Variants in STS observed in about 807,000 individuals in gnomAD.
STS encodes steryl-sulfatase.
Under a neutral mutation model 26.8 loss-of-function variants are expected in STS, and 7 were observed. The ratio of observed to expected loss-of-function variants is 0.26; its 90% CI spans 0.15 to 0.49. STS has a LOEUF of 0.49. STS is among the 20% of genes least tolerant of loss of function. The pLI, the probability that STS is intolerant of heterozygous loss-of-function variation, is 0.98. For missense variants in STS, 434 were observed against 465.6 expected (o/e 0.93, Z 0.63); for synonymous variants, 199 against 189.4 (o/e 1.05, Z -0.42).
chrX:7,157,029 C>T (rs1352730002), intron 1 of STS, among the ~76,000 whole-genome samples: 2 of 111,803 alleles, frequency 1.8e-5, no homozygotes, highest in African/African-American at 6.5e-5. Context: ...TTTGAGCCCA[C>T]TGAATGTATA....
intron 2 of STS, among the ~76,000 whole-genome samples, chrX:7,244,339 C>T (rs1356199448): frequency 8.9e-6 from 1 of 111,924 alleles, no homozygotes; most frequent in Non-Finnish European, 1.9e-5. Context: ...TTAAGAGCTT[C>T]CATAATTTGC....
At chrX:7,326,225 C>T (rs1479788602) in intron 9 of STS, among the ~76,000 whole-genome samples, 2 of 111,085 alleles carry the variant, frequency 1.8e-5, no homozygotes, top group African/African-American at 3.3e-5. Context: ...TATCTCTGTC[C>T]GGTCTGGGGC....
Position 7,147,864 on chromosome X carries a change from G to A in STS, c.-353G>A. On this transcript the variant is annotated 5_prime_UTR_variant, in exon 1 of 11. It removes an upstream start codon present in the reference 5' UTR. Transcript: ENST00000674429. The stretch of plus-strand genomic sequence containing the variant: ...CACGCGCGCCCGCCAGCCCGGACAT[G>A]GGCCCGCGGGCGCTCCTGGCCGCCG... The A allele has an allele frequency of 5.0e-6, 1 of 198,512 alleles. No homozygotes were observed. Among genetic ancestry groups the A allele is most frequent in the Middle Eastern group, 1.7e-3 (1 of 583 alleles). 16.4% of individuals were successfully genotyped at this position (198,512 alleles called of 1,213,427 possible).
intron 7 of STS, among the ~76,000 whole-genome samples, chrX:7,289,082 C>T (rs1925285589): frequency 9.0e-6 from 1 of 111,726 alleles, no homozygotes; most frequent in Non-Finnish European, 1.9e-5. Flanking sequence ...CATCCACCAG[C>T]CAAATGAGTT....
chrX:7,211,626 G>C (rs1192323912), intron 2 of STS, among the ~76,000 whole-genome samples: 2 of 111,929 alleles, frequency 1.8e-5, no homozygotes, highest in African/African-American at 3.2e-5. Flanking sequence ...TGCTCTGCAG[G>C]GAAACCACTC....
At chrX:7,323,513 A>G (rs1008651608) in intron 8 of STS, among the ~76,000 whole-genome samples, 2 of 111,509 alleles carry the variant, frequency 1.8e-5, no homozygotes, top group Non-Finnish European at 3.8e-5. Context: ...ACTTAGGATA[A>G]TGGCCTCTAG....
chrX:7,255,571 C>T (rs1408569278), intron 3 of STS, among the ~76,000 whole-genome samples: 1 of 111,709 alleles, frequency 9.0e-6, no homozygotes, highest in Admixed American at 9.5e-5. Flanking sequence ...GAATTCATGG[C>T]AATATATACC....
chrX:7,323,233 T>C (rs1927139218), intron 8 of STS, among the ~76,000 whole-genome samples: 1 of 111,160 alleles, frequency 9.0e-6, no homozygotes, highest in Non-Finnish European at 1.9e-5. Flanking sequence ...ATGTTTTTTT[T>C]TTTTAATTTT....
chrX:7,210,446 T>G (rs956905346), intron 2 of STS, among the ~76,000 whole-genome samples: 7 of 107,851 alleles, frequency 6.5e-5, no homozygotes, highest in African/African-American at 2.3e-4. Context: ...ATTTATATAT[T>G]TATACAATTA....
At chrX:7,207,806 A>G (rs924858088) in intron 2 of STS, among the ~76,000 whole-genome samples, 3 of 112,524 alleles carry the variant, frequency 2.7e-5, no homozygotes, top group Non-Finnish European at 1.9e-5. Context: ...GAATTATACT[A>G]TAACTTGACA....
At chrX:7,292,912 T>C (rs1460344441) in intron 7 of STS, among the ~76,000 whole-genome samples, 1 of 111,390 alleles carries the variant, frequency 9.0e-6, no homozygotes, top group Admixed American at 9.6e-5. Flanking sequence ...CAGTGCATGC[T>C]TCCTGACTTC....
At chrX:7,188,154 C>A (rs971224607) in intron 1 of STS, among the ~76,000 whole-genome samples, 2 of 111,678 alleles carry the variant, frequency 1.8e-5, no homozygotes, top group Admixed American at 9.5e-5. Flanking sequence ...TTACTAGGTG[C>A]GATTGTTTGA....
intron 9 of STS, among the ~76,000 whole-genome samples, chrX:7,328,159 G>C: frequency 8.9e-6 from 1 of 111,824 alleles, no homozygotes; most frequent in Non-Finnish European, 1.9e-5. Flanking sequence ...TCCTCAAGTA[G>C]CTAGAACAGA....
intron 7 of STS, among the ~76,000 whole-genome samples, chrX:7,281,559 G>A (rs1924861926): frequency 8.9e-6 from 1 of 112,043 alleles, no homozygotes; most frequent in Non-Finnish European, 1.9e-5. Context: ...CATTTAGTCA[G>A]TCATGTGCAA....
chrX:7,320,401 T>C (rs184621656), intron 8 of STS, among the ~76,000 whole-genome samples: 1 of 110,278 alleles, frequency 9.1e-6, no homozygotes, highest in African/African-American at 3.3e-5. Context: ...TCTAGAAGAT[T>C]AACTTTTAGA....
At chrX:7,233,019 G>A (rs1922136874) in intron 2 of STS, among the ~76,000 whole-genome samples, 1 of 110,522 alleles carries the variant, frequency 9.0e-6, no homozygotes, top group Non-Finnish European at 1.9e-5. Flanking sequence ...GACCTCCCCA[G>A]CCATGTGGAA....
intron 2 of STS, among the ~76,000 whole-genome samples, chrX:7,235,494 C>T (rs989380760): frequency 2.7e-5 from 3 of 111,662 alleles, no homozygotes; most frequent in Non-Finnish European, 5.6e-5. Flanking sequence ...TTTAGTTAGC[C>T]GGGTCCATTG....
Position 7,257,460 on chromosome X carries a change from G to A in STS, c.260-6G>A, listed in dbSNP as rs754087127. 1.7e-6 allele frequency: 2 copies of A among 1,212,021 alleles called. No individual in the cohort carries two copies. The highest frequency in any genetic ancestry group is 4.3e-5 in the Admixed American group (2 of 46,090). On this transcript the variant is annotated splice_polypyrimidine_tract_variant and splice_region_variant and intron_variant, in intron 4 of 10. Transcript: ENST00000674429. ...GTTCCTAAGGGTTGATTTTTTCCTG[G>A]TCCAGGAATGGCATCTTGGTCCCGC... is the stretch of plus-strand genomic sequence containing the variant.
intron 2 of STS, among the ~76,000 whole-genome samples, chrX:7,209,438 G>C (rs1467311357): frequency 9.9e-6 from 1 of 100,811 alleles, no homozygotes; most frequent in African/African-American, 3.6e-5. Context: ...CTATTATATA[G>C]TATAAATGTT....
Sources: gnomAD v4.1 joint callset for allele counts (sites outside exome capture counted in the v4.1 genomes callset) on GRCh38, gnomAD v4.1.1 for gene constraint, MANE v1.5 for transcripts, NCBI Gene and HGNC (gene_info 2026-07-23, HGNC 2026-07-21) for gene names.